TET3: variants seen among roughly 807,000 people sequenced by gnomAD.
The protein encoded by TET3 is tet methylcytosine dioxygenase 3.
A neutral mutation model predicts 141.4 loss-of-function variants in TET3; 19 were observed. That is an observed-to-expected ratio of 0.13 (90% CI 0.09 to 0.20). TET3 has a LOEUF of 0.20. Ranked by LOEUF, TET3 falls within the 10% of genes least tolerant of loss-of-function variation. The pLI is 1.00. For missense variants in TET3, 1,874 were observed against 2,356.9 expected (o/e 0.80, Z 4.24); for synonymous variants, 1,043 against 980.9 (o/e 1.06, Z -1.18).
chr2:74,089,225 G>C (rs1328857101), intron 7 of TET3, among the ~76,000 whole-genome samples: 2 of 152,058 alleles, frequency 1.3e-5, no homozygotes, highest in Non-Finnish European at 2.9e-5. Context: ...TTACCTCTGT[G>C]AGAATGTCAC....
At chr2:74,134,643 C>G in the TET3 span, 1 of 455,568 alleles carries the variant, frequency 2.2e-6, no homozygotes, top group Admixed American at 2.4e-5. Flanking sequence ...CTGATGGGAG[C>G]AGAAAATAAT....
upstream of TET3, among the ~76,000 whole-genome samples, chr2:73,983,819 A>AGT (rs1278161123): frequency 6.6e-6 from 1 of 152,078 alleles, no homozygotes; most frequent in African/African-American, 2.4e-5. Context: ...GACTCGCCCG[A>AGT]GTGTGTGTGT....
chr2:74,046,862 C>G lies in TET3; in HGVS notation c.945C>G (p.Leu315=). 1 of 1,613,518 alleles carries G rather than the reference C, an allele frequency of 6.2e-7. No individual in the cohort carries two copies. Residue 315 remains leucine, a synonymous_variant, in exon 4 of 12, where the codon CTC becomes CTG. Coordinates refer to ENST00000409262, the MANE Select transcript of TET3 (RefSeq NM_001287491.2). The surrounding 1 kb of genome is among the most constrained non-coding windows in gnomAD (Gnocchi z 4.3). ...PGPLPPGEAG[L]PAPSTRPLLS... ...CTCTGCCTCCTGGTGAGGCCGGCCT[C>G]CCAGCACCAAGCACCAGGCCACTCC...
intron 3 of TET3, among the ~76,000 whole-genome samples, chr2:74,031,228 C>T (rs1406469704): frequency 6.6e-6 from 1 of 151,492 alleles, no homozygotes; most frequent in Non-Finnish European, 1.5e-5. Context: ...GTTGAGGGGA[C>T]GGAGGAGGAA....
At chr2:73,989,972 G>A (rs1222702770) in intron 2 of TET3, among the ~76,000 whole-genome samples, 2 of 152,112 alleles carry the variant, frequency 1.3e-5, no homozygotes, top group Non-Finnish European at 2.9e-5. Flanking sequence ...GATTAAATGA[G>A]ATAAAATATG....
intron 3 of TET3, among the ~76,000 whole-genome samples, chr2:74,024,954 T>C (rs991954368): frequency 2.6e-5 from 4 of 152,078 alleles, no homozygotes; most frequent in Admixed American, 6.5e-5. Flanking sequence ...GCCGTGGTGG[T>C]GGCTCACGCC....
intron 3 of TET3, among the ~76,000 whole-genome samples, chr2:74,023,814 T>A (rs1027347732): frequency 3.3e-5 from 5 of 152,242 alleles, no homozygotes; most frequent in African/African-American, 4.8e-5. Flanking sequence ...TTTCTAATAT[T>A]TGTTTTTTTC....
At chr2:74,016,788 CTTTTTTTT>C (rs1157485325) in intron 3 of TET3, among the ~76,000 whole-genome samples, 2 of 122,478 alleles carry the variant, frequency 1.6e-5, no homozygotes, top group African/African-American at 6.0e-5. Flanking sequence ...GTTCTCCTGT[CTTTTTTTT>C]TTTTTTTTTG....
chr2:74,090,201 G>C (rs752786635), intron 8 of TET3, among the ~76,000 whole-genome samples, 154 bp downstream of exon 8: 3 of 152,234 alleles, frequency 2.0e-5, no homozygotes, highest in Non-Finnish European at 4.4e-5. Context: ...ATCTTGCTGT[G>C]AAATAAGGGG....
chr2:73,994,252 TGAAG>T (rs1684469094), intron 2 of TET3, among the ~76,000 whole-genome samples: 1 of 152,122 alleles, frequency 6.6e-6, no homozygotes, highest in African/African-American at 2.4e-5. Flanking sequence ...GCAGGACAGT[TGAAG>T]GAAGCAGGGC....
rs1396401516 is a variant in TET3 at position 74,002,765 on chromosome 2, G to A, written c.304-345G>A. On this transcript the variant is annotated intron_variant, in intron 2 of 11. Coordinates refer to ENST00000409262, the MANE Select transcript of TET3 (RefSeq NM_001287491.2). ...GCTCCCTCCGGCGGGGATAATGGGA[G>A]GCCCGCCGGCCGATGCACCAGAGGA... 1.5e-5 allele frequency: 8 copies of A among 538,736 alleles called. No individual in the cohort carries two copies. In the East Asian group the frequency reaches 2.0e-4, roughly 13 times the overall value. 33.4% of individuals were successfully genotyped at this position (538,736 alleles called of 1,614,324 possible).
intron 2 of TET3, chr2:74,002,720 T>A: frequency 2.0e-6 from 1 of 487,810 alleles, no homozygotes; most frequent in Non-Finnish European, 3.6e-6. Flanking sequence ...CCGCCTCCTC[T>A]GCAGTGCCTC....
chr2:74,085,626 T>C (rs578075836), intron 6 of TET3, among the ~76,000 whole-genome samples: 83 of 95,032 alleles, frequency 8.7e-4, no homozygotes, highest in Non-Finnish European at 1.2e-3. Flanking sequence ...TTCTCTCACA[T>C]GCGCAGTTCA....
Position 74,102,115 on chromosome 2 carries a change from C to A in TET3, c.5327C>A (p.Ala1776Glu). ...RQALAVPTDS[A>E]VTVSSYAYTK... The stretch of plus-strand genomic sequence containing the variant: ...GCACTGGCTGTGCCCACAGACTCGG[C>A]GGTCACCGTGTCCTCCTATGCCTAC... Residue 1776 changes from alanine to glutamate, a missense_variant, in exon 12 of 12, where the codon GCG becomes GAG. Physicochemically the swap from Ala to Glu is moderately radical, Grantham distance 107. Coordinates refer to ENST00000409262, the MANE Select transcript of TET3 (RefSeq NM_001287491.2). 1.3e-6 allele frequency: 2 copies of A among 1,491,378 alleles called. No individual in the cohort carries two copies. The highest frequency in any genetic ancestry group is 1.8e-6 in the Non-Finnish European group (2 of 1,121,198). 92.4% of individuals were successfully genotyped at this position (1,491,378 alleles called of 1,614,324 possible). A position where few individuals can be genotyped will look rare whatever the true frequency, so the allele number is the denominator to read the frequency against.
At chr2:74,017,308 A>G (rs979968781) in intron 3 of TET3, among the ~76,000 whole-genome samples, 17 of 152,158 alleles carry the variant, frequency 1.1e-4, no homozygotes, top group South Asian at 8.3e-4. Flanking sequence ...TAGTTGCCCT[A>G]TGGTGCTATA....
chr2:74,014,426 C>T (rs1414617340), intron 3 of TET3, among the ~76,000 whole-genome samples: 2 of 152,114 alleles, frequency 1.3e-5, no homozygotes, highest in Non-Finnish European at 2.9e-5. Context: ...TGAGGAGAGT[C>T]CCTGTGCATG....
At position 74,047,911 on chromosome 2, in the gene TET3, C is replaced by T. The variant is rs756153001; in HGVS notation, c.1994C>T (p.Ala665Val). ...AVPLPPEPSL[A>V]LFAPSPSRDS... ...CCCCTGCCCCCAGAACCTTCTCTTG[C>T]GCTATTTGCACCTAGTCCCTCCAGG... The change falls in exon 4 of 12, where the codon GCG (alanine) becomes GTG (valine). Residue 665 changes from alanine to valine, a missense_variant. Coordinates refer to ENST00000409262, the MANE Select transcript of TET3 (RefSeq NM_001287491.2). 22 of 1,613,578 alleles carry T rather than the reference C, an allele frequency of 1.4e-5. No individual in the cohort carries two copies. Among genetic ancestry groups the T allele is most frequent in the East Asian group, 2.2e-5 (1 of 44,862 alleles).
rs536317801 is a variant in TET3 at position 73,991,777 on chromosome 2, C to T, written c.303+5071C>T. On this transcript the variant is annotated intron_variant, in intron 2 of 11. Coordinates refer to ENST00000409262, the MANE Select transcript of TET3 (RefSeq NM_001287491.2). ...CTGAAATTGCGCCATTGCACTCCAACCTGGGCAACAAGAGTGAAACTCTGT... is the reference window on the plus strand; with the variant it reads ...CTGAAATTGCGCCATTGCACTCCAATCTGGGCAACAAGAGTGAAACTCTGT... Among the ~76,000 whole-genome samples the T allele has an allele frequency of 7.5e-5, 10 of 133,968 alleles. No homozygotes were observed. In the South Asian group the frequency reaches 2.1e-3, roughly 28 times the overall value. The allele number at this position is 133,968 out of a possible 152,430, so 87.9% of individuals were successfully genotyped here.
the TET3 span, among the ~76,000 whole-genome samples, chr2:74,124,475 C>T: frequency 0.035 from 5,311 of 152,196 alleles, 302 homozygotes; most frequent in African/African-American, 0.12. Context: ...ATGACGATGG[C>T]GGTTTTGTTG....
Sources: gnomAD v4.1 joint callset for allele counts (sites outside exome capture counted in the v4.1 genomes callset) on GRCh38, gnomAD v4.1.1 for gene constraint, Gnocchi (gnomAD v3.1) non-coding constraint, MANE v1.5 for transcripts, NCBI Gene and HGNC (gene_info 2026-07-23, HGNC 2026-07-21) for gene names.